PDZRN4: variants seen among roughly 807,000 people sequenced by gnomAD.
PDZRN4 encodes PDZ domain containing ring finger 4.
Under a neutral mutation model 99.0 loss-of-function variants are expected in PDZRN4, and 70 were observed. The observed-to-expected ratio is 0.71, with a 90% CI of 0.58 to 0.86. The LOEUF is 0.86. PDZRN4 is among the 40% of genes least tolerant of loss of function. The probability of loss-of-function intolerance (pLI) is 0.00; values close to 1 mark genes in which losing one functional copy is unlikely to be tolerated. For synonymous variants in PDZRN4, 551 were observed against 501.6 expected, an observed-to-expected ratio of 1.10 and a Z score of -1.32; for missense variants, 1,474 against 1,331.2, an observed-to-expected ratio of 1.11 and a Z score of -1.67.
intron 3 of PDZRN4, among the ~76,000 whole-genome samples, chr12:41,287,350 CAA>C (rs1431607574): frequency 6.6e-6 from 1 of 152,122 alleles, no homozygotes; most frequent in Non-Finnish European, 1.5e-5. Flanking sequence ...CTTTCTAGCT[CAA>C]AATTGTATCA....
intron 8 of PDZRN4, among the ~76,000 whole-genome samples, 198 bp from the exon 9 acceptor site, chr12:41,567,585 G>T (rs1048511422): frequency 4.0e-5 from 6 of 149,844 alleles, no homozygotes; most frequent in Non-Finnish European, 7.4e-5. Context: ...TTCAGGAAAG[G>T]ATAAAAGGCA....
chr12:41,347,827 A>G (rs1010803282), intron 3 of PDZRN4, among the ~76,000 whole-genome samples: 5 of 152,148 alleles, frequency 3.3e-5, no homozygotes, highest in African/African-American at 1.2e-4. Context: ...AGTGTATCTC[A>G]TGGCATAGAC....
intron 3 of PDZRN4, among the ~76,000 whole-genome samples, chr12:41,433,565 A>G (rs963395064): frequency 5.3e-5 from 8 of 152,248 alleles, no homozygotes; most frequent in African/African-American, 1.9e-4. Context: ...TGGCAGGCAG[A>G]GTTGGAAGAT....
chr12:41,439,302 G>GTCA (rs375373000), intron 3 of PDZRN4, among the ~76,000 whole-genome samples: 3,820 of 152,180 alleles, frequency 0.025, 167 homozygotes, highest in African/African-American at 0.089. Flanking sequence ...TCATTTCCTA[G>GTCA]ATGAGCTCTC....
chr12:41,429,591 G>A (rs1368090040), intron 3 of PDZRN4, among the ~76,000 whole-genome samples: 1 of 152,104 alleles, frequency 6.6e-6, no homozygotes, highest in Non-Finnish European at 1.5e-5. Context: ...GCAATGGAAA[G>A]TACTGGTTAA....
intron 3 of PDZRN4, among the ~76,000 whole-genome samples, chr12:41,333,230 G>C (rs1277406868): frequency 3.3e-5 from 5 of 152,122 alleles, no homozygotes; most frequent in African/African-American, 4.8e-5. Context: ...TCTGAGACAG[G>C]TCATCGTGGG....
intron 2 of PDZRN4, among the ~76,000 whole-genome samples, chr12:41,193,864 T>C (rs963208048): frequency 6.6e-6 from 1 of 152,162 alleles, no homozygotes; most frequent in Non-Finnish European, 1.5e-5. Flanking sequence ...GTGAAGTAAA[T>C]AGATAATCTT....
chr12:41,391,103 T>C (rs1952208250), intron 3 of PDZRN4, among the ~76,000 whole-genome samples: 1 of 152,174 alleles, frequency 6.6e-6, no homozygotes, highest in South Asian at 2.1e-4. Context: ...CATACCTGCA[T>C]GCTTTATATT....
rs1342110204 is a variant in PDZRN4, at chr12:41,573,958, C to T, written c.*68C>T. The T allele has an allele frequency of 1.8e-6, 2 of 1,137,062 alleles. No individual in the cohort carries two copies. The highest frequency in any genetic ancestry group is 2.4e-5 in the East Asian group (1 of 41,626). 70.4% of individuals were successfully genotyped at this position (1,137,062 alleles called of 1,614,324 possible). On this transcript the variant is annotated 3_prime_UTR_variant, in exon 10 of 10. Coordinates refer to ENST00000402685, the MANE Select transcript of PDZRN4 (RefSeq NM_001164595.2). ...ACCAGTTTCGGTAGAGTATGATTGCCTCGTTCAATGTGGCGTTTTTATATA... is the reference window on the plus strand; with the variant it reads ...ACCAGTTTCGGTAGAGTATGATTGCTTCGTTCAATGTGGCGTTTTTATATA...
At chr12:41,409,810 G>A (rs1187598542) in intron 3 of PDZRN4, 1 of 152,098 alleles carries the variant, frequency 6.6e-6, no homozygotes, top group Non-Finnish European at 1.5e-5. Flanking sequence ...AAGCCTCTAG[G>A]GAGGAACTTC....
intron 3 of PDZRN4, among the ~76,000 whole-genome samples, chr12:41,345,238 G>A (rs1247479100): frequency 6.6e-6 from 1 of 152,198 alleles, no homozygotes. Flanking sequence ...GTTAGTCAGT[G>A]ATTGATGCTG....
chr12:41,334,013 C>T (rs1565554641), intron 3 of PDZRN4, among the ~76,000 whole-genome samples: 4 of 152,100 alleles, frequency 2.6e-5, no homozygotes, highest in Non-Finnish European at 5.9e-5. Context: ...TTTCAAGTTG[C>T]TGACAGGGAT....
intron 3 of PDZRN4, among the ~76,000 whole-genome samples, chr12:41,272,696 A>G (rs1388167420): frequency 6.6e-6 from 1 of 152,100 alleles, no homozygotes; most frequent in Non-Finnish European, 1.5e-5. Context: ...AAAATTTAAA[A>G]CTTTATCGGC....
chr12:41,204,819 A>T (rs757813702), intron 3 of PDZRN4, among the ~76,000 whole-genome samples: 2 of 151,966 alleles, frequency 1.3e-5, no homozygotes, highest in Non-Finnish European at 2.9e-5. Context: ...TTTAAACTTG[A>T]TTTGATATAG....
At chr12:41,337,201 T>G (rs1306014507) in intron 3 of PDZRN4, among the ~76,000 whole-genome samples, 1 of 152,094 alleles carries the variant, frequency 6.6e-6, no homozygotes, top group African/African-American at 2.4e-5. Context: ...AAGATGGAGT[T>G]AGTTAGGTCT....
intron 4 of PDZRN4, among the ~76,000 whole-genome samples, chr12:41,507,554 T>G (rs540773694): frequency 6.6e-6 from 1 of 152,246 alleles, no homozygotes; most frequent in Admixed American, 6.5e-5. Context: ...CTGGCTCCCA[T>G]AAGCCCGTTT....
intron 3 of PDZRN4, among the ~76,000 whole-genome samples, chr12:41,466,519 G>A (rs911098699): frequency 2.0e-5 from 3 of 152,094 alleles, no homozygotes; most frequent in Non-Finnish European, 2.9e-5. Context: ...TGTCGGAGAC[G>A]TTAGATGACC....
At chr12:41,495,896 C>G (rs1052877548) in intron 3 of PDZRN4, among the ~76,000 whole-genome samples, 32 of 152,194 alleles carry the variant, frequency 2.1e-4, no homozygotes, top group Admixed American at 1.4e-3. Context: ...AGACCCACCT[C>G]AAACGTCAAA....
chr12:41,563,750 T>G, intron 8 of PDZRN4, 101 bp downstream of exon 8: 16 of 792,884 alleles, frequency 2.0e-5, no homozygotes, highest in Non-Finnish European at 2.7e-5. Context: ...TGCTATTCTC[T>G]ATCAAATCAT....
Sources: gnomAD v4.1 joint callset for allele counts (sites outside exome capture counted in the v4.1 genomes callset) on GRCh38, gnomAD v4.1.1 for gene constraint, MANE v1.5 for transcripts, NCBI Gene and HGNC (gene_info 2026-07-23, HGNC 2026-07-21) for gene names.